The following RAB3IP variants were observed in gnomAD, a reference collection of about 807,000 sequenced individuals.
RAB3IP encodes rab-3A-interacting protein.
In RAB3IP, 36 loss-of-function variants were observed where a neutral mutation model predicts 59.1. The ratio of observed to expected loss-of-function variants is 0.61; its 90% CI spans 0.47 to 0.80. The LOEUF (loss-of-function observed/expected upper bound fraction) is 0.80. Among genes scored for constraint, RAB3IP ranks in the 30% least tolerant of loss-of-function variants. The probability of loss-of-function intolerance (pLI) is 0.00; values close to 1 mark genes in which losing one functional copy is unlikely to be tolerated. For synonymous variants in RAB3IP, 207 were observed against 191.2 expected, an observed-to-expected ratio of 1.08 and a Z score of -0.68; for missense variants, 511 against 536.0, an observed-to-expected ratio of 0.95 and a Z score of 0.46.
intron 3 of RAB3IP, among the ~76,000 whole-genome samples, chr12:69,763,355 G>T (rs1294349279): frequency 6.6e-6 from 1 of 152,176 alleles, no homozygotes; most frequent in African/African-American, 2.4e-5. Context: ...CACTCTGATA[G>T]TAAGCAGTTG....
rs1296771115 is a variant in RAB3IP, at chr12:69,784,731, A to G, written c.522A>G (p.Leu174=). 6.9e-6 allele frequency: 11 copies of G among 1,600,860 alleles called. No homozygotes were observed. Among genetic ancestry groups the G allele is most frequent in the Non-Finnish European group, 6.0e-6 (7 of 1,171,918 alleles). ...ELAKAQRELK[L]KDEECERLSK... ...TCAATTTCTCTTAGGAACTGAAGTT[A>G]AAAGATGAAGAATGTGAGAGGCTTT... Residue 174 remains leucine (L), a synonymous_variant, in exon 4 of 11, where the codon TTA becomes TTG. Transcript: ENST00000247833.
At chr12:69,766,778 G>A (rs1462620264) in intron 3 of RAB3IP, among the ~76,000 whole-genome samples, 4 of 151,940 alleles carry the variant, frequency 2.6e-5, no homozygotes, top group South Asian at 2.1e-4. Flanking sequence ...CACCCACTTC[G>A]GCCTCCCAAA....
chr12:69,782,353 C>T (rs544938866), intron 3 of RAB3IP, among the ~76,000 whole-genome samples: 4 of 152,212 alleles, frequency 2.6e-5, no homozygotes, highest in East Asian at 1.9e-4. Flanking sequence ...TTAGTAGAGA[C>T]GGGGTTTCAC....
At position 69,801,627 on chromosome 12, in the gene RAB3IP, G is replaced by A. The variant is rs1167303406; in HGVS notation, c.1036G>A (p.Glu346Lys). 1 of 1,611,304 alleles carries A rather than the reference G, an allele frequency of 6.2e-7. No homozygotes were observed. ...TTTTAAGTTGGCTTCAGCTGTTCTG[G>A]AGGCTGTGGAAAACAATACTCTAAG... ...SKSELASAVLEAVENNTLSIE... is the reference protein window; with the variant it reads ...SKSELASAVLKAVENNTLSIE... Residue 346 changes from glutamate (E) to lysine (K), a missense_variant, in exon 8 of 11, where the codon GAG becomes AAG. Coordinates refer to ENST00000247833, the MANE Select transcript of RAB3IP (RefSeq NM_022456.5).
chr12:69,766,850 A>G (rs1255850810), intron 3 of RAB3IP, among the ~76,000 whole-genome samples: 3 of 152,104 alleles, frequency 2.0e-5, no homozygotes. Context: ...TCTTTTGAAT[A>G]TGTTTATTTC....
chr12:69,745,739 C>T (rs2136102119), intron 1 of RAB3IP, among the ~76,000 whole-genome samples: 1 of 152,226 alleles, frequency 6.6e-6, no homozygotes, highest in South Asian at 2.1e-4. Flanking sequence ...ATACACGTGC[C>T]ATGGTGGTTT....
chr12:69,815,525 T>C lies in RAB3IP; in HGVS notation c.*79T>C. The C allele has an allele frequency of 9.4e-7, 1 of 1,067,408 alleles. No homozygotes were observed. The highest frequency in any genetic ancestry group is 2.4e-5 in the East Asian group (1 of 41,960). 66.1% of individuals were successfully genotyped at this position (1,067,408 alleles called of 1,614,324 possible). ...TATTTTTATGGTTACTTGATATTTA[T>C]TTCCAAGGAGTGAGCCTAAGACTTT... On this transcript the variant is annotated 3_prime_UTR_variant, in exon 11 of 11. Transcript: ENST00000247833.
Position 69,817,200 on chromosome 12 carries a change from G to GT in RAB3IP, c.*1755dup, listed in dbSNP as rs140026942. The GT allele has an allele frequency of 6.6e-6, 1 of 152,186 alleles. No homozygotes were observed. Among genetic ancestry groups the GT allele is most frequent in the African/African-American group, 2.4e-5 (1 of 41,540 alleles). The allele number at this position is 152,186 out of a possible 1,614,324, so 9.4% of individuals were successfully genotyped here. On this transcript the variant is annotated 3_prime_UTR_variant, in exon 11 of 11. Transcript: ENST00000247833. ...ATGACTTAAAAAGGATAAATAAAAA[G>GT]TAAGACTAAAGAAAATCAGTATACC...
intron 1 of RAB3IP, among the ~76,000 whole-genome samples, chr12:69,744,828 T>G (rs2136100043): frequency 6.6e-6 from 1 of 152,324 alleles, no homozygotes; most frequent in Non-Finnish European, 1.5e-5. Flanking sequence ...CATTTGCATT[T>G]ATAAACATAG....
intron 1 of RAB3IP, among the ~76,000 whole-genome samples, chr12:69,745,931 AAATT>A: frequency 6.6e-6 from 1 of 152,312 alleles, no homozygotes; most frequent in East Asian, 1.9e-4. Flanking sequence ...GTATTTGACA[AAATT>A]AATCTCTCTC....
At chr12:69,775,935 G>C (rs1873853040) in intron 3 of RAB3IP, among the ~76,000 whole-genome samples, 1 of 113,214 alleles carries the variant, frequency 8.8e-6, no homozygotes, top group African/African-American at 3.1e-5. Flanking sequence ...CATAAAATGA[G>C]TTAGGGAGGA....
Position 69,798,351 on chromosome 12 carries a change from G to A in RAB3IP, c.889-1858G>A, listed in dbSNP as rs567765062. 1.2e-3 allele frequency among the ~76,000 whole-genome samples: 178 copies of A among 150,232 alleles called. 1 individual carries two copies. The highest frequency in any genetic ancestry group is 3.9e-3 in the African/African-American group (160 of 40,640). On this transcript the variant is annotated intron_variant, in intron 6 of 10. Transcript: ENST00000247833. ...TGAGAAGTGTCTGTTCATGTCCTTCGCCCACTTTTTGATGGGGTTGTTTGT... is the reference window on the plus strand; with the variant it reads ...TGAGAAGTGTCTGTTCATGTCCTTCACCCACTTTTTGATGGGGTTGTTTGT...
chr12:69,755,225 T>C (rs536005807), intron 1 of RAB3IP, among the ~76,000 whole-genome samples, 159 bp from the exon 2 acceptor site: 22 of 152,300 alleles, frequency 1.4e-4, no homozygotes, highest in African/African-American at 5.3e-4. Context: ...ACTACAGGCA[T>C]ATACCACCAT....
intron 3 of RAB3IP, among the ~76,000 whole-genome samples, chr12:69,759,383 C>T (rs1870822313): frequency 6.6e-6 from 1 of 152,174 alleles, no homozygotes; most frequent in African/African-American, 2.4e-5. Flanking sequence ...ATGTCTACTT[C>T]TTTCTACACA....
At position 69,755,475 on chromosome 12, in the gene RAB3IP, C is replaced by T. The variant is rs761652310; in HGVS notation, c.67C>T (p.Leu23Phe). 1.2e-6 allele frequency: 2 copies of T among 1,614,000 alleles called. No homozygotes were observed. Among genetic ancestry groups the T allele is most frequent in the Non-Finnish European group, 1.7e-6 (2 of 1,180,024 alleles). Residue 23 changes from leucine (L) to phenylalanine (F), a missense_variant, in exon 2 of 11, where the codon CTT (leucine) becomes TTT (phenylalanine). Physicochemically the swap from Leu to Phe is conservative, Grantham distance 22. Coordinates refer to ENST00000247833, the MANE Select transcript of RAB3IP (RefSeq NM_022456.5). ...TGCTTCACCTACTTCTCCGGACCTT[C>T]TTGGTGTGTATGAATCAGGAACTCA... is the stretch of plus-strand genomic sequence containing the variant. ...NLASPTSPDL[L>F]GVYESGTQEQ... is the part of the protein sequence containing the mutation.
intron 6 of RAB3IP, 31 bp from the exon 7 acceptor site, chr12:69,800,178 C>T (rs748134700): frequency 6.8e-6 from 10 of 1,468,906 alleles, no homozygotes; most frequent in Non-Finnish European, 9.0e-6. Flanking sequence ...CGTTTTAAAA[C>T]ATGTTTTTGT....
In RAB3IP at chr12:69,815,273, T is replaced by C. The variant is rs975496364; in HGVS notation, c.1301-91T>C. 76 of 913,812 alleles carry C rather than the reference T, an allele frequency of 8.3e-5. No individual in the cohort carries two copies. The Middle Eastern group carries it at 3.3e-3, about 40-fold the overall frequency. 56.6% of individuals were successfully genotyped at this position (913,812 alleles called of 1,614,324 possible). On this transcript the variant is annotated intron_variant, in intron 10 of 10. Coordinates refer to ENST00000247833, the MANE Select transcript of RAB3IP (RefSeq NM_022456.5). ...AGGTACATCTTTAGGAAATGCACAA[T>C]TGACATTTCAGCTAAGGTTTTCAGC...
chr12:69,742,483 G>C (rs1887440043), intron 1 of RAB3IP, among the ~76,000 whole-genome samples: 1 of 151,858 alleles, frequency 6.6e-6, no homozygotes, highest in African/African-American at 2.4e-5. Flanking sequence ...TTTGATATTT[G>C]TGTTGTATTT....
chr12:69,800,116 T>C, intron 6 of RAB3IP, 93 bp from the exon 7 acceptor site: 1 of 951,718 alleles, frequency 1.1e-6, no homozygotes, highest in Non-Finnish European at 1.5e-6. Context: ...GAGCTTTTTT[T>C]CAGTGATGTT....
Sources: gnomAD v4.1 joint callset for allele counts (sites outside exome capture counted in the v4.1 genomes callset) on GRCh38, gnomAD v4.1.1 for gene constraint, MANE v1.5 for transcripts, NCBI Gene and HGNC (gene_info 2026-07-23, HGNC 2026-07-21) for gene names.